The following SHISA9 variants were observed in gnomAD, a reference collection of about 807,000 sequenced individuals.
The protein encoded by SHISA9 is protein shisa-9.
Under a neutral mutation model 38.0 loss-of-function variants are expected in SHISA9, and 13 were observed. The observed-to-expected ratio is 0.34, with a 90% CI of 0.22 to 0.54. The LOEUF (loss-of-function observed/expected upper bound fraction) is 0.54. Ranked by LOEUF, SHISA9 falls within the 20% of genes least tolerant of loss-of-function variation. The pLI, the probability that SHISA9 is intolerant of heterozygous loss-of-function variation, is 0.91. For missense variants in SHISA9, 538 were observed against 575.8 expected (o/e 0.93, Z 0.67); for synonymous variants, 275 against 242.0 (o/e 1.14, Z -1.27).
intron 2 of SHISA9, among the ~76,000 whole-genome samples, chr16:13,160,363 G>A (rs536627902): frequency 1.3e-5 from 2 of 152,174 alleles, no homozygotes; most frequent in African/African-American, 4.8e-5. Context: ...CTACTTTTTG[G>A]TGTCTGCCTG....
At chr16:13,556,927 G>A in the SHISA9 span, among the ~76,000 whole-genome samples, 124,454 of 152,094 alleles carry the variant, frequency 0.82, 51,255 homozygotes, top group East Asian at 0.99. Context: ...ATGCGAAGAC[G>A]ATGTCATTTT....
chr16:12,967,937 C>T (rs911805620), intron 2 of SHISA9, among the ~76,000 whole-genome samples: 4 of 152,140 alleles, frequency 2.6e-5, no homozygotes, highest in African/African-American at 7.2e-5. Context: ...TGCCTGTAAT[C>T]CCAGCACTTT....
At chr16:12,947,526 G>C (rs2071703286) in intron 2 of SHISA9, among the ~76,000 whole-genome samples, 1 of 152,172 alleles carries the variant, frequency 6.6e-6, no homozygotes, top group Admixed American at 6.5e-5. Flanking sequence ...AAGGAGAAAA[G>C]GATATCTCAG....
intron 3 of SHISA9, among the ~76,000 whole-genome samples, chr16:13,208,595 T>C (rs1470909596): frequency 6.6e-6 from 1 of 152,090 alleles, no homozygotes; most frequent in African/African-American, 2.4e-5. Flanking sequence ...ATACATGGCA[T>C]GTAACTGCAG....
the SHISA9 span, among the ~76,000 whole-genome samples, chr16:13,348,474 G>A: frequency 5.9e-5 from 9 of 151,816 alleles, no homozygotes; most frequent in Non-Finnish European, 7.4e-5. Flanking sequence ...CTTAATGTAC[G>A]GGTGAGGAAT....
the SHISA9 span, among the ~76,000 whole-genome samples, chr16:13,408,910 G>A: frequency 4.6e-5 from 7 of 152,140 alleles, no homozygotes; most frequent in Non-Finnish European, 1.0e-4. Flanking sequence ...CCCGGCAAAG[G>A]CCCCACCCTC....
intron 4 of SHISA9, among the ~76,000 whole-genome samples, chr16:13,218,161 G>A (rs1029611366): frequency 3.9e-5 from 6 of 152,142 alleles, no homozygotes; most frequent in Non-Finnish European, 8.8e-5. Context: ...AGAAAAGTAC[G>A]TCACAACAGG....
At chr16:13,559,873 C>T in the SHISA9 span, among the ~76,000 whole-genome samples, 1 of 152,318 alleles carries the variant, frequency 6.6e-6, no homozygotes, top group South Asian at 2.1e-4. Context: ...AGGCAGACTG[C>T]ACCTTCAGCT....
At chr16:13,024,902 A>G (rs1352171046) in intron 2 of SHISA9, among the ~76,000 whole-genome samples, 1 of 152,124 alleles carries the variant, frequency 6.6e-6, no homozygotes, top group Non-Finnish European at 1.5e-5. Context: ...CCAGGATCTC[A>G]ATTGCCAATA....
chr16:12,959,693 G>A (rs985665087), intron 2 of SHISA9, among the ~76,000 whole-genome samples: 3 of 152,090 alleles, frequency 2.0e-5, no homozygotes, highest in Non-Finnish European at 2.9e-5. Context: ...GGAAACTGAG[G>A]CCCCTAGGGT....
At chr16:13,115,301 C>G (rs565577507) in intron 2 of SHISA9, among the ~76,000 whole-genome samples, 19 of 152,140 alleles carry the variant, frequency 1.2e-4, no homozygotes, top group Non-Finnish European at 2.2e-4. Context: ...GGTCTCACAG[C>G]CTTCAGAGCT....
chr16:13,294,273 A>T, the SHISA9 span, among the ~76,000 whole-genome samples: 2 of 152,186 alleles, frequency 1.3e-5, no homozygotes, highest in South Asian at 2.1e-4. Context: ...TTCCCTGAGG[A>T]TTGGCTGCCC....
the SHISA9 span, among the ~76,000 whole-genome samples, chr16:13,301,961 A>T: frequency 6.6e-6 from 1 of 152,206 alleles, no homozygotes; most frequent in African/African-American, 2.4e-5. Context: ...GACTGAGATA[A>T]TGGAGATAAG....
chr16:13,226,074 T>C (rs886310368), intron 4 of SHISA9, among the ~76,000 whole-genome samples: 2 of 152,214 alleles, frequency 1.3e-5, no homozygotes, highest in African/African-American at 4.8e-5. Flanking sequence ...GACTGTTCAA[T>C]GAATCTGTTA....
At position 12,995,720 on chromosome 16, in the gene SHISA9, G is replaced by A. The variant is rs183903910; in HGVS notation, c.691+78905G>A. On this transcript the variant is annotated intron_variant, in intron 2 of 4. Coordinates refer to ENST00000558583, the MANE Select transcript of SHISA9 (RefSeq NM_001145204.3). ...AAGACAATTAGATCAAAACATGTTT[G>A]CATTCATTTCTAGGTATTTATTTAT... Among the ~76,000 whole-genome samples the A allele has an allele frequency of 3.2e-4, 49 of 152,258 alleles. No individual in the cohort carries two copies. The East Asian group carries it at 5.8e-3, about 18-fold the overall frequency.
chr16:13,472,674 G>A, the SHISA9 span, among the ~76,000 whole-genome samples: 5 of 151,908 alleles, frequency 3.3e-5, no homozygotes, highest in African/African-American at 1.2e-4. Context: ...TTACAGGCGT[G>A]AGCCACAATG....
chr16:13,286,881 G>A, the SHISA9 span, among the ~76,000 whole-genome samples: 21 of 152,216 alleles, frequency 1.4e-4, no homozygotes, highest in East Asian at 1.9e-3. Context: ...GAATTTTTTT[G>A]TTTTTGTCTT....
intron 2 of SHISA9, among the ~76,000 whole-genome samples, chr16:13,001,560 C>T (rs1320181781): frequency 6.6e-6 from 1 of 152,210 alleles, no homozygotes; most frequent in South Asian, 2.1e-4. Context: ...TTCTGGGGAA[C>T]GGGGATGCAG....
chr16:13,451,070 C>A, the SHISA9 span, among the ~76,000 whole-genome samples: 74,253 of 151,824 alleles, frequency 0.49, 19,226 homozygotes, highest in African/African-American at 0.65. Flanking sequence ...CCAGAGTGAA[C>A]GTGATGGAGA....
Sources: gnomAD v4.1 joint callset for allele counts (sites outside exome capture counted in the v4.1 genomes callset) on GRCh38, gnomAD v4.1.1 for gene constraint, MANE v1.5 for transcripts, NCBI Gene and HGNC (gene_info 2026-07-23, HGNC 2026-07-21) for gene names.